RGS6: variants seen among roughly 807,000 people sequenced by gnomAD.
The protein encoded by RGS6 is regulator of G protein signaling 6.
In RGS6, 30 loss-of-function variants were observed where a neutral mutation model predicts 78.5. That is an observed-to-expected ratio of 0.38 (90% CI 0.29 to 0.52). The LOEUF (loss-of-function observed/expected upper bound fraction) is 0.52. RGS6 is among the 20% of genes least tolerant of loss of function. The probability of loss-of-function intolerance (pLI) is 0.85; values close to 1 mark genes in which losing one functional copy is unlikely to be tolerated. For missense variants in RGS6, 495 were observed against 609.7 expected (o/e 0.81, Z 1.98); for synonymous variants, 206 against 206.0 (o/e 1.00, Z 0.00).
intron 2 of RGS6, among the ~76,000 whole-genome samples, chr14:72,297,776 T>C (rs2065167569): frequency 6.6e-6 from 1 of 151,924 alleles, no homozygotes; most frequent in Non-Finnish European, 1.5e-5. Flanking sequence ...TTTATTTAGA[T>C]CTTCTTTAAT....
At chr14:72,037,813 T>C (rs1311264784) in intron 2 of RGS6, among the ~76,000 whole-genome samples, 4 of 148,768 alleles carry the variant, frequency 2.7e-5, no homozygotes, top group Admixed American at 6.7e-5. Flanking sequence ...AACATCAATT[T>C]ACACACTTTA....
At chr14:72,087,415 G>A (rs1367597799) in intron 2 of RGS6, among the ~76,000 whole-genome samples, 1 of 152,104 alleles carries the variant, frequency 6.6e-6, no homozygotes, top group African/African-American at 2.4e-5. Context: ...ACAGGTATGA[G>A]CCACCGCACC....
chr14:72,241,310 C>A (rs1435248826), intron 2 of RGS6, among the ~76,000 whole-genome samples: 1 of 152,186 alleles, frequency 6.6e-6, no homozygotes, highest in Non-Finnish European at 1.5e-5. Flanking sequence ...ATATTAACAA[C>A]CCCTTTCACC....
intron 2 of RGS6, among the ~76,000 whole-genome samples, chr14:72,319,499 C>G (rs757583771): frequency 6.6e-6 from 1 of 152,016 alleles, no homozygotes; most frequent in African/African-American, 2.4e-5. Flanking sequence ...ACAGGGGCAC[C>G]CACCACCATG....
chr14:72,616,720 C>T, the RGS6 span, among the ~76,000 whole-genome samples: 1 of 152,320 alleles, frequency 6.6e-6, no homozygotes, highest in Admixed American at 6.5e-5. Flanking sequence ...GCAGAGGCAA[C>T]ACAAAAACTC....
rs557709581 is a variant in RGS6, at chr14:71,976,829, A to G, written c.84+11954A>G. Among the ~76,000 whole-genome samples, 835 of 149,450 alleles carry G rather than the reference A, an allele frequency of 5.6e-3. 10 individuals are homozygous for G. Among genetic ancestry groups the G allele is most frequent in the African/African-American group, 0.019 (789 of 40,712 alleles). On this transcript the variant is annotated intron_variant, in intron 2 of 17. Coordinates refer to ENST00000553525, the MANE Select transcript of RGS6 (RefSeq NM_001204424.2). ...ATTTCTAGTTCTAGATCCCTGAGGA[A>G]TCACCACACTGACTTCCACAATGGT...
chr14:72,033,116 A>G (rs546972917), intron 2 of RGS6, among the ~76,000 whole-genome samples: 2 of 152,324 alleles, frequency 1.3e-5, no homozygotes, highest in South Asian at 2.1e-4. Context: ...ACATTAGTCT[A>G]TGGTTGGGCA....
chr14:72,030,015 A>T (rs936042721), intron 2 of RGS6, among the ~76,000 whole-genome samples: 7 of 152,222 alleles, frequency 4.6e-5, no homozygotes, highest in African/African-American at 1.7e-4. Flanking sequence ...TTATCTCGTC[A>T]TTCTACAGAG....
rs141611261 is a variant in RGS6, at chr14:71,999,772, A to G, written c.84+34897A>G. On this transcript the variant is annotated intron_variant, in intron 2 of 17. Transcript: ENST00000553525. ...CCTAGCTCCCCCTTCACCTTCCGCC[A>G]TGATTGTAAGCTTCCTGAGGCCTCC... Among the ~76,000 whole-genome samples the G allele has an allele frequency of 4.9e-3, 489 of 100,596 alleles. 5 individuals carry two copies. Among genetic ancestry groups the G allele is most frequent in the African/African-American group, 0.014 (464 of 33,376 alleles). The allele number at this position is 100,596 out of a possible 152,430, so 66.0% of individuals were successfully genotyped here. A position where few individuals can be genotyped will look rare whatever the true frequency, so the allele number is the denominator to read the frequency against.
chr14:71,977,453 A>G (rs1411247245), intron 2 of RGS6, among the ~76,000 whole-genome samples: 2,735 of 132,170 alleles, frequency 0.021, 56 homozygotes, highest in African/African-American at 0.073. Flanking sequence ...GGTGTAAGGA[A>G]GGGATCCAGT....
intron 2 of RGS6, among the ~76,000 whole-genome samples, chr14:71,996,924 G>A (rs1397152749): frequency 6.6e-6 from 1 of 152,182 alleles, no homozygotes; most frequent in Non-Finnish European, 1.5e-5. Flanking sequence ...CCATTTCAAG[G>A]TGGGGGCCTG....
chr14:71,948,740 CTTTTTTTTTTTT>C (rs71305831), intron 1 of RGS6, among the ~76,000 whole-genome samples: 3 of 65,180 alleles, frequency 4.6e-5, no homozygotes, highest in African/African-American at 7.1e-5. Flanking sequence ...CTCTCTCTCT[CTTTTTTTTTTTT>C]TTTTTTTTTT....
intron 13 of RGS6, among the ~76,000 whole-genome samples, chr14:72,501,125 G>A (rs1476057952): frequency 1.3e-5 from 2 of 152,062 alleles, no homozygotes. Context: ...CACTGGGCTG[G>A]GTGAAGGGGT....
chr14:72,354,905 A>G (rs769519065), intron 3 of RGS6, among the ~76,000 whole-genome samples: 5 of 152,110 alleles, frequency 3.3e-5, no homozygotes, highest in African/African-American at 1.2e-4. Flanking sequence ...TGTATAATAT[A>G]CAGTATAATA....
intron 2 of RGS6, among the ~76,000 whole-genome samples, chr14:72,282,896 T>C (rs2061826264): frequency 6.6e-6 from 1 of 152,226 alleles, no homozygotes; most frequent in Non-Finnish European, 1.5e-5. Flanking sequence ...CTTTCATAAC[T>C]GAAACCTTCT....
At chr14:72,365,171 A>G (rs2082230518) in intron 3 of RGS6, among the ~76,000 whole-genome samples, 1 of 152,228 alleles carries the variant, frequency 6.6e-6, no homozygotes. Context: ...CTAAATGGAA[A>G]GTTTTAGAGC....
chr14:72,362,432 C>T (rs993484122), intron 3 of RGS6, among the ~76,000 whole-genome samples: 11 of 152,120 alleles, frequency 7.2e-5, no homozygotes, highest in East Asian at 1.9e-4. Flanking sequence ...TTCCATGAAC[C>T]GGCAATCTGG....
intron 3 of RGS6, among the ~76,000 whole-genome samples, chr14:72,357,618 T>G (rs2152768481): frequency 6.6e-6 from 1 of 152,348 alleles, no homozygotes; most frequent in African/African-American, 2.4e-5. Context: ...TGTGAAACTT[T>G]GAACTTGAGA....
At chr14:72,397,601 T>C (rs1342289252) in intron 3 of RGS6, among the ~76,000 whole-genome samples, 1 of 152,144 alleles carries the variant, frequency 6.6e-6, no homozygotes, top group Non-Finnish European at 1.5e-5. Flanking sequence ...ATAGGAGTGG[T>C]GAGAGAGGGC....
Sources: allele counts gnomAD v4.1 joint callset (sites outside exome capture counted in the v4.1 genomes callset), GRCh38; gene constraint gnomAD v4.1.1; transcripts MANE v1.5; gene names NCBI Gene and HGNC (gene_info 2026-07-23, HGNC 2026-07-21).